IL34: variants seen among roughly 807,000 people sequenced by gnomAD.
IL34 encodes the protein interleukin-34.
In IL34, 17 loss-of-function variants were observed where a neutral mutation model predicts 25.3. The observed-to-expected ratio is 0.67, with a 90% CI of 0.46 to 1.01. IL34 has a LOEUF of 1.01. Ranked by LOEUF, IL34 falls within the 50% of genes least tolerant of loss-of-function variation. IL34 has a pLI of 0.00. For synonymous variants in IL34, 174 were observed against 140.9 expected (o/e 1.23, Z -1.66); for missense variants, 368 against 312.9 (o/e 1.18, Z -1.33).
chr16:70,629,607 G>A (rs1187083842), intron 1 of IL34, among the ~76,000 whole-genome samples: 1 of 151,894 alleles, frequency 6.6e-6, no homozygotes, highest in African/African-American at 2.4e-5. Flanking sequence ...TGTATAAATA[G>A]TTGTTATACT....
chr16:70,595,968 G>A (rs1482926382), intron 1 of IL34, among the ~76,000 whole-genome samples: 1 of 151,034 alleles, frequency 6.6e-6, no homozygotes, highest in African/African-American at 2.4e-5. Context: ...CTGAGATTGT[G>A]CCACTGCACT....
intron 1 of IL34, among the ~76,000 whole-genome samples, chr16:70,632,977 A>AT (rs34252759): frequency 0.28 from 43,022 of 151,262 alleles, 6,393 homozygotes; most frequent in South Asian, 0.45. Context: ...ATCAGGACAT[A>AT]TTTTTTTTTG....
intron 1 of IL34, among the ~76,000 whole-genome samples, chr16:70,631,926 CA>C (rs34372093): frequency 0.34 from 50,022 of 149,078 alleles, 8,374 homozygotes; most frequent in South Asian, 0.47. Context: ...CCTGTCTCTA[CA>C]AAAAAAAAAT....
intron 1 of IL34, among the ~76,000 whole-genome samples, chr16:70,583,765 C>T (rs1597731891): frequency 6.6e-6 from 1 of 152,124 alleles, no homozygotes; most frequent in East Asian, 1.9e-4. Flanking sequence ...GATTTTCATG[C>T]CTCAGCCTCC....
intron 1 of IL34, among the ~76,000 whole-genome samples, chr16:70,652,983 C>A (rs1486166394): frequency 6.6e-6 from 1 of 151,704 alleles, no homozygotes; most frequent in Non-Finnish European, 1.5e-5. Context: ...GCAGGGAGAT[C>A]AACTTGAGGT....
At chr16:70,616,730 G>A (rs1321201388) in intron 1 of IL34, among the ~76,000 whole-genome samples, 1 of 152,122 alleles carries the variant, frequency 6.6e-6, no homozygotes, top group Non-Finnish European at 1.5e-5. Flanking sequence ...CCTGCTTAAG[G>A]GTGGGGGAGA....
chr16:70,635,538 AGAGGTCG>A (rs760166223), intron 1 of IL34, among the ~76,000 whole-genome samples: 20 of 152,172 alleles, frequency 1.3e-4, no homozygotes, highest in Non-Finnish European at 2.1e-4. Flanking sequence ...GTCAGAGGTC[AGAGGTCG>A]GAAGCTGGAG....
At position 70,659,988 on chromosome 16, in the gene IL34, C is replaced by A; in HGVS notation, c.539-9C>A. On this transcript the variant is annotated splice_polypyrimidine_tract_variant and intron_variant, in intron 5 of 5. Coordinates refer to ENST00000288098, the MANE Select transcript of IL34 (RefSeq NM_001393494.1). ...TGCAGTCTTTTTTTTTTTCCCCTAT[C>A]TCTTGCAGGTAAACAAAGCTCCGTC... 6.4e-7 allele frequency: 1 copy of A among 1,561,352 alleles called. No individual in the cohort carries two copies. Among genetic ancestry groups the A allele is most frequent in the East Asian group, 2.3e-5 (1 of 44,424 alleles).
chr16:70,610,192 ACT>A (rs2051070231), intron 1 of IL34, among the ~76,000 whole-genome samples: 1 of 148,568 alleles, frequency 6.7e-6, no homozygotes, highest in South Asian at 2.1e-4. Context: ...AAAGAGCGAG[ACT>A]CTATCTCAGA....
At position 70,646,648 on chromosome 16, in the gene IL34, C is replaced by T. The variant is rs2051937965; in HGVS notation, c.-300C>T. On this transcript the variant is annotated 5_prime_UTR_variant, in exon 1 of 6. Transcript: ENST00000288098. ...CTGCCAGGGACTCTCTCCTCCTGCT[C>T]CTTGGAAAGGAAGACCCCGAAAGAC... The T allele has an allele frequency of 9.6e-6, 4 of 418,104 alleles. No individual in the cohort carries two copies. The East Asian group carries it at 1.2e-4, about 12-fold the overall frequency. 25.9% of individuals were successfully genotyped at this position (418,104 alleles called of 1,614,324 possible).
At chr16:70,606,151 C>T (rs1010440377) in intron 1 of IL34, among the ~76,000 whole-genome samples, 1 of 151,870 alleles carries the variant, frequency 6.6e-6, no homozygotes, top group South Asian at 2.1e-4. Context: ...AATCCTAGCA[C>T]GTTGGGAGGC....
upstream of IL34, among the ~76,000 whole-genome samples, chr16:70,643,509 C>T (rs1433309161): frequency 1.3e-5 from 2 of 152,126 alleles, no homozygotes; most frequent in Non-Finnish European, 2.9e-5. Flanking sequence ...TAGCTGGGAC[C>T]ACAGGCCCGT....
At chr16:70,599,313 T>C (rs1255054073) in intron 1 of IL34, among the ~76,000 whole-genome samples, 5 of 148,554 alleles carry the variant, frequency 3.4e-5, no homozygotes, top group African/African-American at 7.6e-5. Context: ...TCCTTCTTTC[T>C]TTCTTTTCTT....
intron 1 of IL34, among the ~76,000 whole-genome samples, chr16:70,624,324 A>T (rs1365759756): frequency 6.6e-6 from 1 of 151,922 alleles, no homozygotes; most frequent in Non-Finnish European, 1.5e-5. Flanking sequence ...TGTGCTGGAG[A>T]TGTGGCTGGG....
intron 1 of IL34, among the ~76,000 whole-genome samples, chr16:70,631,321 A>G (rs1006389654): frequency 1.3e-5 from 2 of 152,114 alleles, no homozygotes; most frequent in Non-Finnish European, 2.9e-5. Flanking sequence ...GCAGTAAATT[A>G]TTGGTTTGAT....
At position 70,656,995 on chromosome 16, in the gene IL34, T is replaced by A; in HGVS notation, c.276T>A (p.Tyr92Ter). The change falls in exon 4 of 6, where the codon TAT becomes TAA. Residue 92 changes from tyrosine (Y) to a stop codon, truncating the protein, a stop_gained. Transcript: ENST00000288098. LOFTEE classifies it high-confidence loss of function. The part of the protein sequence containing the change: ...RAQVSERELR[Y>*]LWVLVSLSAT... ...AGGTGAGCGAGCGGGAGCTGCGGTA[T>A]CTGTGGGTCTTGGTGAGCCTCAGTG... is the stretch of plus-strand genomic sequence containing the variant. The A allele has an allele frequency of 6.2e-7, 1 of 1,611,828 alleles. No homozygotes were observed. The highest frequency in any genetic ancestry group is 8.5e-7 in the Non-Finnish European group (1 of 1,179,664).
intron 1 of IL34, among the ~76,000 whole-genome samples, chr16:70,622,475 G>A (rs929981356): frequency 6.6e-5 from 10 of 151,858 alleles, no homozygotes; most frequent in Admixed American, 1.3e-4. Flanking sequence ...TCTGAGAGGC[G>A]GGCTAGTGGC....
At chr16:70,643,079 T>A (rs1408711863), upstream of IL34, among the ~76,000 whole-genome samples, 1 of 152,154 alleles carries the variant, frequency 6.6e-6, no homozygotes, top group Non-Finnish European at 1.5e-5. Flanking sequence ...TTTATTTATT[T>A]TTGAGACGGA....
intron 1 of IL34, among the ~76,000 whole-genome samples, chr16:70,636,465 A>G (rs1482229045): frequency 6.6e-6 from 1 of 152,152 alleles, no homozygotes; most frequent in Admixed American, 6.5e-5. Flanking sequence ...CTTGACATAG[A>G]TAGTAACTGT....
Sources: allele counts gnomAD v4.1 joint callset (sites outside exome capture counted in the v4.1 genomes callset), GRCh38; gene constraint gnomAD v4.1.1; transcripts MANE v1.5; gene names NCBI Gene and HGNC (gene_info 2026-07-23, HGNC 2026-07-21).